The following GLI3 variants were observed in gnomAD, a reference collection of about 807,000 sequenced individuals.
GLI3 encodes GLI family zinc finger 3, also known as transcription activator GLI3.
A neutral mutation model predicts 100.8 loss-of-function variants in GLI3; 20 were observed. The observed-to-expected ratio is 0.20, with a 90% confidence interval of 0.14 to 0.29. The LOEUF is 0.29. Among genes scored for constraint, GLI3 ranks in the 10% least tolerant of loss-of-function variants. The pLI is 1.00. For synonymous variants in GLI3, 938 were observed against 860.5 expected, an observed-to-expected ratio of 1.09 and a Z score of -1.58; for missense variants, 2,040 against 2,128.5, an observed-to-expected ratio of 0.96 and a Z score of 0.82.
intron 4 of GLI3, among the ~76,000 whole-genome samples, chr7:42,063,669 T>A (rs931880684): frequency 5.3e-5 from 8 of 152,196 alleles, no homozygotes; most frequent in African/African-American, 1.9e-4. Flanking sequence ...ATGATTTAAA[T>A]ATGGGGATAG....
At chr7:42,118,865 G>A (rs1785924817) in intron 3 of GLI3, among the ~76,000 whole-genome samples, 1 of 152,186 alleles carries the variant, frequency 6.6e-6, no homozygotes, top group Non-Finnish European at 1.5e-5. Context: ...ACAAATCACT[G>A]TTTTGAAAGA....
intron 2 of GLI3, chr7:42,172,694 A>G (rs1787400933): frequency 7.2e-6 from 5 of 698,624 alleles, no homozygotes; most frequent in Admixed American, 6.1e-5. Flanking sequence ...TGCCTGGGAG[A>G]AGGGGATGAG....
chr7:42,160,669 G>C (rs1787111725), intron 2 of GLI3, among the ~76,000 whole-genome samples: 1 of 152,170 alleles, frequency 6.6e-6, no homozygotes, highest in South Asian at 2.1e-4. Flanking sequence ...TGTTAGGCAA[G>C]TCACAGAATT....
At chr7:42,231,414 A>T (rs1307842369) in intron 1 of GLI3, among the ~76,000 whole-genome samples, 2 of 152,348 alleles carry the variant, frequency 1.3e-5, no homozygotes, top group South Asian at 2.1e-4. Context: ...CACTTACCCT[A>T]TAAACTTTGC....
At chr7:42,131,227 C>T (rs1160294165) in intron 3 of GLI3, among the ~76,000 whole-genome samples, 2 of 152,144 alleles carry the variant, frequency 1.3e-5, no homozygotes, top group East Asian at 1.9e-4. Context: ...AGAGATTCCT[C>T]GTTCAGACTT....
intron 2 of GLI3, among the ~76,000 whole-genome samples, chr7:42,219,683 A>G (rs1198816675): frequency 6.6e-6 from 1 of 152,190 alleles, no homozygotes; most frequent in Admixed American, 6.5e-5. Flanking sequence ...GAAGCTCACA[A>G]TGAAGAACAA....
intron 10 of GLI3, among the ~76,000 whole-genome samples, chr7:41,998,105 A>C (rs1788181693): frequency 6.6e-6 from 1 of 152,168 alleles, no homozygotes; most frequent in African/African-American, 2.4e-5. Flanking sequence ...TGGCTCCACC[A>C]GGTCATTCTA....
intron 3 of GLI3, among the ~76,000 whole-genome samples, chr7:42,106,001 G>T (rs976977907): frequency 6.6e-6 from 1 of 152,138 alleles, no homozygotes; most frequent in Non-Finnish European, 1.5e-5. Context: ...AGCCCCTAAA[G>T]GTTTCTCTCA....
upstream of GLI3, among the ~76,000 whole-genome samples, chr7:42,242,622 G>A (rs754889524): frequency 2.0e-5 from 3 of 152,028 alleles, no homozygotes; most frequent in Non-Finnish European, 4.4e-5. Context: ...ATTCATATCT[G>A]TCCTGCCAAA....
intron 13 of GLI3, among the ~76,000 whole-genome samples, chr7:41,968,779 A>AAAGAAAGAAAGAAG (rs1787291606): frequency 5.1e-5 from 7 of 136,564 alleles, no homozygotes; most frequent in African/African-American, 1.7e-4. Context: ...AAAGAAAGAA[A>AAAGAAAGAAAGAAG]GAAAGAAAGA....
intron 2 of GLI3, among the ~76,000 whole-genome samples, chr7:42,153,799 C>T (rs1786935019): frequency 6.6e-6 from 1 of 152,182 alleles, no homozygotes; most frequent in Non-Finnish European, 1.5e-5. Context: ...CACAAGCAAA[C>T]ATCTTCCCCA....
At chr7:42,117,505 G>C (rs1165453971) in intron 3 of GLI3, among the ~76,000 whole-genome samples, 2 of 152,200 alleles carry the variant, frequency 1.3e-5, no homozygotes, top group Non-Finnish European at 2.9e-5. Flanking sequence ...AATGACCAAT[G>C]ACTGAGCATT....
chr7:42,025,237 C>T, intron 9 of GLI3, 27 bp downstream of exon 9: 1 of 1,474,284 alleles, frequency 6.8e-7, no homozygotes, highest in Non-Finnish European at 9.5e-7. Context: ...GGAGTGGGCG[C>T]TGGCCTGTGC....
At position 41,988,514 on chromosome 7, in the gene GLI3, C is replaced by T. The variant is rs1328007942; in HGVS notation, c.1498-9766G>A. ...GGCCTTAAGGAGGTGATTAAGAGGG[C>T]AGAGCCCTCATGAAAGGGATTAGTG... On this transcript the variant is annotated intron_variant, in intron 10 of 14. Coordinates refer to ENST00000395925, the MANE Select transcript of GLI3 (RefSeq NM_000168.6). Among the ~76,000 whole-genome samples the T allele has an allele frequency of 2.0e-5, 3 of 148,430 alleles. No homozygotes were observed. In the East Asian group the frequency reaches 5.9e-4, roughly 29 times the overall value.
At chr7:42,203,158 T>C (rs1788081223) in intron 2 of GLI3, among the ~76,000 whole-genome samples, 1 of 152,220 alleles carries the variant, frequency 6.6e-6, no homozygotes, top group Non-Finnish European at 1.5e-5. Flanking sequence ...ATGTTTGAAG[T>C]ATACATACAC....
intron 3 of GLI3, among the ~76,000 whole-genome samples, chr7:42,089,181 G>A (rs1173484038): frequency 6.6e-6 from 1 of 152,148 alleles, no homozygotes; most frequent in Non-Finnish European, 1.5e-5. Flanking sequence ...CAGCCCTAGG[G>A]ACTATAGCCT....
chr7:42,208,210 GGA>G (rs1350165967), intron 2 of GLI3, among the ~76,000 whole-genome samples: 1 of 152,086 alleles, frequency 6.6e-6, no homozygotes, highest in Non-Finnish European at 1.5e-5. Flanking sequence ...TTAAGACAGA[GGA>G]GAGCAGGGAA....
upstream of GLI3, among the ~76,000 whole-genome samples, chr7:42,238,210 C>T (rs1788873448): frequency 6.6e-6 from 1 of 152,000 alleles, no homozygotes; most frequent in Non-Finnish European, 1.5e-5. Context: ...CTCCACACCG[C>T]CAGGACACCC....
At chr7:42,179,632 G>T (rs146767336) in intron 2 of GLI3, among the ~76,000 whole-genome samples, 2 of 152,254 alleles carry the variant, frequency 1.3e-5, no homozygotes, top group Non-Finnish European at 2.9e-5. Flanking sequence ...AGATTCTGGT[G>T]CTTTATGAAG....
Sources: allele counts gnomAD v4.1 joint callset (sites outside exome capture counted in the v4.1 genomes callset), GRCh38; gene constraint gnomAD v4.1.1; transcripts MANE v1.5; gene names NCBI Gene and HGNC (gene_info 2026-07-23, HGNC 2026-07-21).